POR: variants seen among roughly 807,000 people sequenced by gnomAD.
The protein encoded by POR is cytochrome p450 oxidoreductase.
In POR, 56 loss-of-function variants were observed where a neutral mutation model predicts 84.0. The ratio of observed to expected loss-of-function variants is 0.67; its 90% CI spans 0.54 to 0.83. The LOEUF is 0.83. Ranked by LOEUF, POR falls within the 40% of genes least tolerant of loss-of-function variation. The pLI, the probability that POR is intolerant of heterozygous loss-of-function variation, is 0.00. For synonymous variants in POR, 414 were observed against 400.5 expected, an observed-to-expected ratio of 1.03 and a Z score of -0.40; for missense variants, 938 against 944.3, an observed-to-expected ratio of 0.99 and a Z score of 0.09.
At chr7:75,946,825 C>A (rs934085283) in intron 1 of POR, 2 of 152,240 alleles carry the variant, frequency 1.3e-5, no homozygotes, top group African/African-American at 4.8e-5. Context: ...AAGGCTCACA[C>A]AGGCTTCCAG....
At chr7:75,923,282 CT>C in intron 1 of POR, 2 of 1,239,152 alleles carry the variant, frequency 1.6e-6, no homozygotes, top group Non-Finnish European at 2.3e-6. Flanking sequence ...ATGAAATTGC[CT>C]TCCCAAGGAA....
intron 1 of POR, among the ~76,000 whole-genome samples, chr7:75,939,058 G>A (rs1807837174): frequency 6.6e-6 from 1 of 152,170 alleles, no homozygotes; most frequent in Non-Finnish European, 1.5e-5. Context: ...ATGCAGCCGT[G>A]ACTGTTGGGA....
chr7:75,958,851 A>AAT, intron 2 of POR, among the ~76,000 whole-genome samples: 1 of 152,038 alleles, frequency 6.6e-6, no homozygotes, highest in Middle Eastern at 3.4e-3. Flanking sequence ...GAGTGGTGTT[A>AAT]ATTTGTTAAT....
intron 1 of POR, among the ~76,000 whole-genome samples, chr7:75,932,025 G>A (rs532335997): frequency 5.3e-5 from 8 of 152,218 alleles, no homozygotes; most frequent in East Asian, 1.9e-4. Flanking sequence ...AATTGCTCCC[G>A]TCTCTTCAGC....
chr7:75,963,047 G>A (rs1414959556), intron 2 of POR, among the ~76,000 whole-genome samples: 2 of 152,158 alleles, frequency 1.3e-5, no homozygotes, highest in East Asian at 1.9e-4. Flanking sequence ...TCCTTTTGGG[G>A]CCTGTTCTTG....
At chr7:75,925,924 G>A (rs1389795234) in intron 1 of POR, among the ~76,000 whole-genome samples, 6 of 152,036 alleles carry the variant, frequency 3.9e-5, no homozygotes, top group African/African-American at 9.7e-5. Flanking sequence ...AGTGAGGAGC[G>A]ATCTTGTGCC....
At chr7:75,932,176 G>A (rs907481670) in intron 1 of POR, among the ~76,000 whole-genome samples, 4 of 150,744 alleles carry the variant, frequency 2.7e-5, no homozygotes, top group African/African-American at 7.4e-5. Flanking sequence ...GACAAATTCA[G>A]AAATTCTTTT....
At chr7:75,975,072 T>C (rs1289171309) in intron 3 of POR, among the ~76,000 whole-genome samples, 2 of 152,244 alleles carry the variant, frequency 1.3e-5, no homozygotes, top group Admixed American at 6.5e-5. Context: ...GAGTCACCTA[T>C]ATGATTCTTT....
chr7:75,955,497 T>C (rs952981496), intron 2 of POR, among the ~76,000 whole-genome samples: 1 of 152,186 alleles, frequency 6.6e-6, no homozygotes, highest in Non-Finnish European at 1.5e-5. Context: ...TTAACACCAG[T>C]CTCAGACTCC....
chr7:75,923,225 G>A, intron 1 of POR: 1 of 1,103,400 alleles, frequency 9.1e-7, no homozygotes, highest in Non-Finnish European at 1.4e-6. Flanking sequence ...CAGTGATTGA[G>A]GAGCACCTGG....
At chr7:75,966,485 C>T (rs782547204) in intron 2 of POR, among the ~76,000 whole-genome samples, 1 of 152,208 alleles carries the variant, frequency 6.6e-6, no homozygotes, top group African/African-American at 2.4e-5. Context: ...CTGCTGCCAT[C>T]GTGCCTCTGT....
chr7:75,931,408 G>T (rs915186376), intron 1 of POR, among the ~76,000 whole-genome samples: 1 of 150,542 alleles, frequency 6.6e-6, no homozygotes, highest in Non-Finnish European at 1.5e-5. Context: ...CCTCTCTCAC[G>T]CAGGCTATAA....
chr7:75,926,030 CTTTTTTTTTT>C (rs869058308), intron 1 of POR, among the ~76,000 whole-genome samples: 18 of 114,848 alleles, frequency 1.6e-4, no homozygotes, highest in Admixed American at 6.2e-4. Context: ...TTTTCTCTCT[CTTTTTTTTTT>C]TTTTTTTTTT....
Position 75,926,030 on chromosome 7 carries a change from CTTTTTTTTTTTT to C in POR, c.-5+10861_-5+10872del, listed in dbSNP as rs869058308. ...TTTTTTTTCTTTCTCTTTTCTCTCT[CTTTTTTTTTTTT>C]TTTTTTTTTAAGGCAGGACACTTGC... On this transcript the variant is annotated intron_variant, in intron 1 of 15. Coordinates refer to ENST00000461988, the MANE Select transcript of POR (RefSeq NM_000941.3). Among the ~76,000 whole-genome samples, 4 of 114,840 alleles carry C rather than the reference CTTTTTTTTTTTT, an allele frequency of 3.5e-5. No homozygotes were observed. In the East Asian group the frequency reaches 8.8e-4, roughly 25 times the overall value. 75.3% of individuals were successfully genotyped at this position (114,840 alleles called of 152,430 possible). A position where few individuals can be genotyped will look rare whatever the true frequency, so the allele number is the denominator to read the frequency against.
intron 1 of POR, among the ~76,000 whole-genome samples, chr7:75,930,117 T>C: frequency 6.6e-6 from 1 of 152,192 alleles, no homozygotes; most frequent in East Asian, 1.9e-4. Flanking sequence ...GTTTATCATA[T>C]GAATCAAAAG....
intron 2 of POR, among the ~76,000 whole-genome samples, chr7:75,968,988 G>A (rs1009313752): frequency 3.9e-5 from 6 of 152,202 alleles, no homozygotes; most frequent in African/African-American, 1.2e-4. Context: ...CCAGGGGGCC[G>A]TTTTCTATTC....
At chr7:75,972,901 C>T (rs562638945) in intron 3 of POR, 181 of 238,716 alleles carry the variant, frequency 7.6e-4, no homozygotes, top group Admixed American at 9.7e-4. Context: ...CGGTTCACTG[C>T]AAGCTCCACC....
chr7:75,968,081 C>T (rs782206505), intron 2 of POR: 74 of 455,336 alleles, frequency 1.6e-4, no homozygotes, highest in Admixed American at 1.5e-3. Context: ...AGTGAGAAGC[C>T]ATGGGGTGCA....
rs1789499867 is a variant in POR, at chr7:75,986,713, C to T, written c.*232C>T. ...CATGGGGGCACCGGGCTCCATGCCT[C>T]TGGAGGCCTCTGGCCCTCGGTGGCT... is the stretch of plus-strand genomic sequence containing the variant. On this transcript the variant is annotated 3_prime_UTR_variant, in exon 16 of 16. Coordinates refer to ENST00000461988, the MANE Select transcript of POR (RefSeq NM_000941.3). The T allele has an allele frequency of 1.7e-6, 1 of 604,296 alleles. No homozygotes were observed. Among genetic ancestry groups the T allele is most frequent in the Non-Finnish European group, 2.9e-6 (1 of 344,176 alleles). The allele number at this position is 604,296 out of a possible 1,614,324, so 37.4% of individuals were successfully genotyped here.
Sources: gnomAD v4.1 joint callset for allele counts (sites outside exome capture counted in the v4.1 genomes callset) on GRCh38, gnomAD v4.1.1 for gene constraint, MANE v1.5 for transcripts, NCBI Gene and HGNC (gene_info 2026-07-23, HGNC 2026-07-21) for gene names.